The following PCDHGB5 variants were observed in gnomAD, a reference collection of about 807,000 sequenced individuals.
The protein encoded by PCDHGB5 is protocadherin gamma-B5.
A neutral mutation model predicts 62.9 loss-of-function variants in PCDHGB5; 48 were observed. That is an observed-to-expected ratio of 0.76 (90% CI 0.61 to 0.97). The LOEUF (loss-of-function observed/expected upper bound fraction) is 0.97, where lower values mean the gene tolerates loss of function less well. PCDHGB5 is among the 50% of genes least tolerant of loss of function. The probability of loss-of-function intolerance (pLI) is 0.00; values close to 1 mark genes in which losing one functional copy is unlikely to be tolerated. For missense variants in PCDHGB5, 1,118 were observed against 1,198.6 expected (o/e 0.93, Z 0.99); for synonymous variants, 474 against 511.2 (o/e 0.93, Z 0.98).
At position 141,487,289 on chromosome 5, in the gene PCDHGB5, G is replaced by T; in HGVS notation, c.2398-7518G>T. 6.2e-7 allele frequency: 1 copy of T among 1,614,096 alleles called. No individual in the cohort carries two copies. The highest frequency in any genetic ancestry group is 8.5e-7 in the Non-Finnish European group (1 of 1,180,024). On this transcript the variant is annotated intron_variant, in intron 1 of 3. Coordinates refer to ENST00000617380, the MANE Select transcript of PCDHGB5 (RefSeq NM_018925.3). The surrounding 1 kb of genome is among the most constrained non-coding windows in gnomAD (Gnocchi z 5.0). Reference sequence around the variant, plus strand: ...AGTGGCAATTTGCTTTGTCTCCTTTGGCTCATTCGTGGCACTACTCTCTAA... The same window carrying T: ...AGTGGCAATTTGCTTTGTCTCCTTTTGCTCATTCGTGGCACTACTCTCTAA...
Position 141,478,415 on chromosome 5 carries a change from C to A in PCDHGB5, c.2398-16392C>A, listed in dbSNP as rs182700706. 5.6e-6 allele frequency: 9 copies of A among 1,613,648 alleles called. No homozygotes were observed. In the East Asian group the frequency reaches 2.0e-4, roughly 36 times the overall value. ...TCAGGTGTATCTCACCACGGACTCC[C>A]GCCGCAGCGACCCGCTGCTGAAGAA... On this transcript the variant is annotated intron_variant, in intron 1 of 3. Coordinates refer to ENST00000617380, the MANE Select transcript of PCDHGB5 (RefSeq NM_018925.3).
At chr5:141,467,455 GCTAGTA>G (rs2099144342) in intron 1 of PCDHGB5, among the ~76,000 whole-genome samples, 1 of 152,192 alleles carries the variant, frequency 6.6e-6, no homozygotes, top group African/African-American at 2.4e-5. Context: ...TTCTTCCAGT[GCTAGTA>G]CTTGCATGGT....
intron 1 of PCDHGB5, chr5:141,404,478 CAG>C (rs749664270): frequency 1.9e-6 from 3 of 1,613,412 alleles, no homozygotes; most frequent in Non-Finnish European, 2.5e-6. Context: ...TCTATTAACT[CAG>C]ACACTGGTGT....
chr5:141,422,876 G>A (rs2096681830), intron 1 of PCDHGB5: 1 of 1,614,248 alleles, frequency 6.2e-7, no homozygotes, highest in Non-Finnish European at 8.5e-7. Context: ...GTGTCGCTGA[G>A]CCTGTTCGTG....
chr5:141,432,452 C>G lies in PCDHGB5; in HGVS notation c.2397+31928C>G. The G allele has an allele frequency of 6.2e-7, 1 of 1,614,212 alleles. No individual in the cohort carries two copies. The highest frequency in any genetic ancestry group is 8.5e-7 in the Non-Finnish European group (1 of 1,180,042). On this transcript the variant is annotated intron_variant, in intron 1 of 3. Coordinates refer to ENST00000617380, the MANE Select transcript of PCDHGB5 (RefSeq NM_018925.3). The surrounding 1 kb of genome is among the most constrained non-coding windows in gnomAD (Gnocchi z 6.0). ...CGACAATGCGCCCGAGATCCTGTACCCCGCCCTCCCCACGGACGGTTCCAC... is the reference window on the plus strand; with the variant it reads ...CGACAATGCGCCCGAGATCCTGTACGCCGCCCTCCCCACGGACGGTTCCAC...
Position 141,476,556 on chromosome 5 carries a change from C to A in PCDHGB5, c.2398-18251C>A. 1 of 1,614,234 alleles carries A rather than the reference C, an allele frequency of 6.2e-7. No homozygotes were observed. Among genetic ancestry groups the A allele is most frequent in the Non-Finnish European group, 8.5e-7 (1 of 1,180,036 alleles). ...GAAATGAAATTGGAGATTAGCGAGG[C>A]CGTGGCTCCGGGGACGCGCTTTCCG... On this transcript the variant is annotated intron_variant, in intron 1 of 3. Coordinates refer to ENST00000617380, the MANE Select transcript of PCDHGB5 (RefSeq NM_018925.3). The surrounding 1 kb of genome is among the most constrained non-coding windows in gnomAD (Gnocchi z 7.6).
chr5:141,400,422 T>C lies in PCDHGB5; in HGVS notation c.2295T>C (p.Cys765=), dbSNP rs1460679509. 1.2e-6 allele frequency: 2 copies of C among 1,613,936 alleles called. No homozygotes were observed. The highest frequency in any genetic ancestry group is 1.7e-6 in the Non-Finnish European group (2 of 1,179,912). ...TGKTEFNFLK[C]SEQLSSGQDI... ...AGACGGAGTTTAATTTCCTAAAATG[T>C]AGTGAGCAATTGAGTTCAGGACAAG... Residue 765 remains cysteine (C), a synonymous_variant, in exon 1 of 4, where the codon TGT becomes TGC. Transcript: ENST00000617380.
intron 1 of PCDHGB5, among the ~76,000 whole-genome samples, chr5:141,482,048 G>A (rs375214441): frequency 1.3e-5 from 2 of 150,044 alleles, no homozygotes; most frequent in Non-Finnish European, 2.9e-5. Flanking sequence ...TCATGCTGTT[G>A]CATTCCAGCC....
chr5:141,470,855 G>A (rs2099242095), intron 1 of PCDHGB5, among the ~76,000 whole-genome samples: 3 of 151,856 alleles, frequency 2.0e-5, no homozygotes, highest in Admixed American at 2.0e-4. Context: ...GCTCAGATAA[G>A]TTTTTTGTTT....
At chr5:141,442,837 A>C (rs2098346617) in intron 1 of PCDHGB5, among the ~76,000 whole-genome samples, 1 of 152,202 alleles carries the variant, frequency 6.6e-6, no homozygotes, top group South Asian at 2.1e-4. Flanking sequence ...GGGAGGGACA[A>C]ATCTTGGCCA....
chr5:141,509,371 T>C (rs2099876508), intron 3 of PCDHGB5, among the ~76,000 whole-genome samples: 1 of 152,258 alleles, frequency 6.6e-6, no homozygotes, highest in South Asian at 2.1e-4. Context: ...AGGTTTTAAC[T>C]GTCTCCTAAC....
At position 141,398,730 on chromosome 5, in the gene PCDHGB5, C is replaced by T. The variant is rs200411955; in HGVS notation, c.603C>T (p.Asp201=). 568 of 1,613,656 alleles carry T rather than the reference C, an allele frequency of 3.5e-4. No individual in the cohort carries two copies. Among genetic ancestry groups the T allele is most frequent in the Non-Finnish European group, 4.6e-4 (540 of 1,179,898 alleles). The change falls in exon 1 of 4, where the codon GAC becomes GAT. Residue 201 remains aspartate, a synonymous_variant. Transcript: ENST00000617380. ...AACTGGCACTGGAGAAAACCTTAGA[C>T]CGGGAACAACAGAGTTACCATCGTT... ...YPELALEKTL[D]REQQSYHRLV... is the part of the protein sequence containing the mutation.
intron 1 of PCDHGB5, chr5:141,428,184 C>G: frequency 6.8e-7 from 1 of 1,463,674 alleles, no homozygotes; most frequent in Middle Eastern, 1.7e-4. Flanking sequence ...GGAGGACAGC[C>G]GCCGCTCTCT....
rs552966531 is a variant in PCDHGB5, at chr5:141,399,532, C to G, written c.1405C>G (p.Gln469Glu). The G allele has an allele frequency of 1.7e-5, 28 of 1,614,066 alleles. No individual in the cohort carries two copies. Among genetic ancestry groups the G allele is most frequent in the Non-Finnish European group, 2.2e-5 (26 of 1,179,902 alleles). Reference protein sequence around the residue: ...ENNPPGASIAQVCASDLDLGL... With the variant: ...ENNPPGASIAEVCASDLDLGL... Reference sequence around the variant, plus strand: ...CAACCCTCCTGGGGCCTCCATCGCGCAAGTCTGCGCCTCGGACCTGGACTT... The same window carrying G: ...CAACCCTCCTGGGGCCTCCATCGCGGAAGTCTGCGCCTCGGACCTGGACTT... The change falls in exon 1 of 4, where the codon CAA (glutamine) becomes GAA (glutamate). Residue 469 changes from glutamine (Q) to glutamate (E), a missense_variant. Physicochemically the swap from Gln to Glu is conservative, Grantham distance 29 (BLOSUM62 2). Around this residue, in one of 2 missense-constraint regions of PCDHGB5, gnomAD observed 1,034 missense variants for 1,029.1 expected, o/e 1.00. Transcript: ENST00000617380.
chr5:141,458,059 T>G (rs533147047), intron 1 of PCDHGB5, among the ~76,000 whole-genome samples: 39 of 152,358 alleles, frequency 2.6e-4, no homozygotes, highest in African/African-American at 8.9e-4. Context: ...CTTGCTGCAC[T>G]GATGCGAACA....
chr5:141,456,814 ATTAGCCATCGTGG>A (rs2098889077), intron 1 of PCDHGB5, among the ~76,000 whole-genome samples: 1 of 151,928 alleles, frequency 6.6e-6, no homozygotes, highest in Non-Finnish European at 1.5e-5. Context: ...AATACAAAAA[ATTAGCCATCGTGG>A]TAGTGGGCGC....
chr5:141,440,878 C>A (rs1359689557), intron 1 of PCDHGB5: 1 of 152,146 alleles, frequency 6.6e-6, no homozygotes, highest in Non-Finnish European at 1.5e-5. Context: ...TGTACAGCGT[C>A]GGCCTTCAGG....
In PCDHGB5 at chr5:141,426,967, T is replaced by C. The variant is rs151241654; in HGVS notation, c.2397+26443T>C. 124 of 456,702 alleles carry C rather than the reference T, an allele frequency of 2.7e-4. 1 individual carries two copies. The highest frequency in any genetic ancestry group is 2.1e-3 in the African/African-American group (103 of 50,178). 28.3% of individuals were successfully genotyped at this position (456,702 alleles called of 1,614,324 possible). A position where few individuals can be genotyped will look rare whatever the true frequency, so the allele number is the denominator to read the frequency against. On this transcript the variant is annotated intron_variant, in intron 1 of 3. Coordinates refer to ENST00000617380, the MANE Select transcript of PCDHGB5 (RefSeq NM_018925.3). ...CCAACTGGCACTGCTGCAATTCAAA[T>C]TGAGGTCACTGATGCCAACGATAAT... is the stretch of plus-strand genomic sequence containing the variant.
chr5:141,431,178 TAA>T lies in PCDHGB5; in HGVS notation c.2397+30658_2397+30659del. On this transcript the variant is annotated intron_variant, in intron 1 of 3. Transcript: ENST00000617380. This position sits in a 1 kb window ranked among gnomAD's most constrained non-coding sequence, Gnocchi z 4.8. ...TACTTTCGTGAAAGTGAATTAGAAA[TAA>T]AAATTAGTGAAAATGCAGCCACTGA... is the stretch of plus-strand genomic sequence containing the variant. 1 of 1,614,078 alleles carries T rather than the reference TAA, an allele frequency of 6.2e-7. No homozygotes were observed. Among genetic ancestry groups the T allele is most frequent in the Non-Finnish European group, 8.5e-7 (1 of 1,180,000 alleles).
Sources: gnomAD v4.1 joint callset for allele counts (sites outside exome capture counted in the v4.1 genomes callset) on GRCh38, gnomAD v4.1.1 for gene constraint, gnomAD v4.1.1 regional missense constraint, Gnocchi (gnomAD v3.1) non-coding constraint, MANE v1.5 for transcripts, NCBI Gene and HGNC (gene_info 2026-07-23, HGNC 2026-07-21) for gene names.